NETO1: variants seen among roughly 807,000 people sequenced by gnomAD.
NETO1 encodes the protein neuropilin and tolloid-like protein 1.
NETO1 carries 26 observed loss-of-function variants against 61.3 expected under a neutral mutation model. The ratio of observed to expected loss-of-function variants is 0.42; its 90% CI spans 0.31 to 0.59. NETO1 has a LOEUF of 0.59. NETO1 is among the 20% of genes least tolerant of loss of function. The pLI, the probability that NETO1 is intolerant of heterozygous loss-of-function variation, is 0.12. For missense variants in NETO1, 531 were observed against 662.8 expected, an observed-to-expected ratio of 0.80 and a Z score of 2.18; for synonymous variants, 225 against 225.8, an observed-to-expected ratio of 1.00 and a Z score of 0.03.
chr18:72,813,690 GA>G (rs1305633493), intron 4 of NETO1, among the ~76,000 whole-genome samples: 1 of 152,010 alleles, frequency 6.6e-6, no homozygotes, highest in Non-Finnish European at 1.5e-5. Flanking sequence ...GATTTAATAA[GA>G]CTATAAAGGA....
At chr18:72,860,753 T>C (rs2074547057) in intron 3 of NETO1, among the ~76,000 whole-genome samples, 1 of 151,820 alleles carries the variant, frequency 6.6e-6, no homozygotes, top group Non-Finnish European at 1.5e-5. Flanking sequence ...TTTCTTTTTT[T>C]TGGAAATTTG....
At chr18:72,777,442 C>CA (rs536187354) in intron 7 of NETO1, among the ~76,000 whole-genome samples, 8,626 of 85,258 alleles carry the variant, frequency 0.1, 359 homozygotes, top group Middle Eastern at 0.14. Context: ...AAAACAACAA[C>CA]AAAAAAAAAA....
At chr18:72,858,789 G>A in intron 4 of NETO1, 37 bp downstream of exon 4, 1 of 1,550,818 alleles carries the variant, frequency 6.4e-7, no homozygotes. Flanking sequence ...GAAAAATGAG[G>A]AAGAAAAAGA....
chr18:72,756,176 G>A, intron 7 of NETO1, 29 bp from the exon 8 acceptor site: 1 of 1,138,784 alleles, frequency 8.8e-7, no homozygotes, highest in South Asian at 1.3e-5. Flanking sequence ...AGACAAAGGA[G>A]GAAAGTTATA....
chr18:72,804,236 G>C (rs2072603401), intron 4 of NETO1, among the ~76,000 whole-genome samples: 2 of 152,096 alleles, frequency 1.3e-5, no homozygotes, highest in African/African-American at 4.8e-5. Flanking sequence ...GAGAGGAAAG[G>C]AGTTTTGAGA....
chr18:72,864,899 A>C lies in NETO1; in HGVS notation c.129T>G (p.Thr43=), dbSNP rs1179858203. 2 of 1,613,972 alleles carry C rather than the reference A, an allele frequency of 1.2e-6. No homozygotes were observed. The highest frequency in any genetic ancestry group is 1.7e-6 in the Non-Finnish European group (2 of 1,179,998). The part of the protein sequence containing the change: ...SETQKSVQCG[T]WTKHAEGGIF... ...TACCTCCCTCTGCATGTTTTGTCCAAGTTCCACACTGCACTGACTTCTGTG... is the reference window on the plus strand; with the variant it reads ...TACCTCCCTCTGCATGTTTTGTCCACGTTCCACACTGCACTGACTTCTGTG... The change falls in exon 3 of 11, where the codon ACT becomes ACG. Residue 43 remains threonine (T), a synonymous_variant. Transcript: ENST00000327305.
In NETO1 at chr18:72,787,594, T is replaced by C. The variant is rs183862936; in HGVS notation, c.640-3688A>G. The stretch of plus-strand genomic sequence containing the variant: ...AGGAAAAGAAAGTTTGCGTGTTATA[T>C]TGACGATAGCTTAAGACACTGCTAA... On this transcript the variant is annotated intron_variant, in intron 6 of 10. Coordinates refer to ENST00000327305, the MANE Select transcript of NETO1 (RefSeq NM_138966.5). Among the ~76,000 whole-genome samples, 142 of 152,344 alleles carry C rather than the reference T, an allele frequency of 9.3e-4. 2 individuals are homozygous for C. The highest frequency in any genetic ancestry group is 4.1e-3 in the Admixed American group (62 of 15,300).
chr18:72,811,087 C>T (rs759592738), intron 4 of NETO1, among the ~76,000 whole-genome samples: 3 of 152,140 alleles, frequency 2.0e-5, no homozygotes, highest in Admixed American at 6.5e-5. Flanking sequence ...TTTCCATATC[C>T]GCCATGGTGT....
At chr18:72,773,564 T>C (rs778902719) in intron 7 of NETO1, among the ~76,000 whole-genome samples, 2 of 152,004 alleles carry the variant, frequency 1.3e-5, no homozygotes, top group Non-Finnish European at 2.9e-5. Context: ...CAGGTGGAGG[T>C]AAATGAATCA....
rs2073540661 is a variant in NETO1, at chr18:72,830,500, A to G, written c.469+28326T>C. Reference sequence around the variant, plus strand: ...CAAAAAACAAACACAAATGACAAAAATAACAATGATCATAAGGTCTGAGGG... The same window carrying G: ...CAAAAAACAAACACAAATGACAAAAGTAACAATGATCATAAGGTCTGAGGG... On this transcript the variant is annotated intron_variant, in intron 4 of 10. Transcript: ENST00000327305. The surrounding 1 kb of genome is among the most constrained non-coding windows in gnomAD (Gnocchi z 4.9). 6.6e-6 allele frequency among the ~76,000 whole-genome samples: 1 copy of G among 152,212 alleles called. No homozygotes were observed. The highest frequency in any genetic ancestry group is 2.1e-4 in the South Asian group (1 of 4,828).
intron 7 of NETO1, among the ~76,000 whole-genome samples, chr18:72,776,389 TG>T (rs2071548936): frequency 6.6e-6 from 1 of 152,188 alleles, no homozygotes; most frequent in Non-Finnish European, 1.5e-5. Context: ...ACTACCACAC[TG>T]GGGATCAAAT....
chr18:72,813,668 A>T (rs909202012), intron 4 of NETO1, among the ~76,000 whole-genome samples: 1 of 152,110 alleles, frequency 6.6e-6, no homozygotes, highest in Non-Finnish European at 1.5e-5. Context: ...GCAATAAAAA[A>T]CTCAATAGAC....
intron 10 of NETO1, 99 bp from the exon 11 acceptor site, chr18:72,748,263 C>T (rs969893360): frequency 7.1e-6 from 7 of 983,410 alleles, no homozygotes; most frequent in Non-Finnish European, 7.2e-6. Context: ...ATGCATTCAC[C>T]TAGTTCAAGA....
downstream of NETO1, chr18:72,743,673 T>C (rs1009533119): frequency 5.3e-5 from 8 of 152,180 alleles, no homozygotes; most frequent in Non-Finnish European, 1.2e-4. Context: ...AGGAGCTTGG[T>C]AGACAGACTG....
intron 4 of NETO1, among the ~76,000 whole-genome samples, chr18:72,854,576 T>C (rs2074358499): frequency 6.6e-6 from 1 of 152,156 alleles, no homozygotes; most frequent in Non-Finnish European, 1.5e-5. Context: ...GAATGAGGAG[T>C]ACAGTAGATA....
chr18:72,795,625 T>C (rs2072285047), intron 4 of NETO1, among the ~76,000 whole-genome samples: 1 of 152,098 alleles, frequency 6.6e-6, no homozygotes. Context: ...CAAGTAAAAA[T>C]TGTTTATGTT....
intron 7 of NETO1, among the ~76,000 whole-genome samples, chr18:72,772,757 ATC>A (rs1394886152): frequency 4.9e-4 from 16 of 32,494 alleles, no homozygotes; most frequent in African/African-American, 2.0e-3. Flanking sequence ...CTCTATATAT[ATC>A]TATATATATA....
intron 7 of NETO1, among the ~76,000 whole-genome samples, chr18:72,772,759 C>CTA (rs35617731): frequency 0.03 from 3,114 of 102,176 alleles, 189 homozygotes; most frequent in African/African-American, 0.089. Flanking sequence ...CTATATATAT[C>CTA]TATATATATA....
chr18:72,784,908 G>A (rs1329465966), intron 6 of NETO1, among the ~76,000 whole-genome samples: 1 of 152,192 alleles, frequency 6.6e-6, no homozygotes, highest in East Asian at 1.9e-4. Flanking sequence ...ACAAAAGAAT[G>A]AGGGCCAGTG....
Sources: allele counts gnomAD v4.1 joint callset (sites outside exome capture counted in the v4.1 genomes callset), GRCh38; gene constraint gnomAD v4.1.1; non-coding constraint Gnocchi (gnomAD v3.1); transcripts MANE v1.5; gene names NCBI Gene and HGNC (gene_info 2026-07-23, HGNC 2026-07-21).